Variants in CREBBP observed in about 807,000 individuals in gnomAD.
CREBBP encodes the protein CREB-binding protein.
CREBBP carries 19 observed loss-of-function variants against 265.0 expected under a neutral mutation model. The observed-to-expected ratio is 0.07, with a 90% CI of 0.05 to 0.11. The LOEUF is 0.11. CREBBP is among the 10% of genes least tolerant of loss of function. The probability of loss-of-function intolerance (pLI) is 1.00; values close to 1 mark genes in which losing one functional copy is unlikely to be tolerated. For synonymous variants in CREBBP, 1,457 were observed against 1,223.7 expected (o/e 1.19, Z -3.98); for missense variants, 2,525 against 3,219.0 (o/e 0.78, Z 5.22).
At chr16:3,754,863 T>C (rs1333421847) in intron 19 of CREBBP, among the ~76,000 whole-genome samples, 1 of 152,186 alleles carries the variant, frequency 6.6e-6, no homozygotes, top group Non-Finnish European at 1.5e-5. Flanking sequence ...CCAAGACAAT[T>C]ATTCATAAGA....
rs374345970 is a variant in CREBBP at position 3,757,281 on chromosome 16, C to G, written c.3698+7G>C. The G allele has an allele frequency of 2.8e-5, 45 of 1,606,484 alleles. No homozygotes were observed. In the South Asian group the frequency reaches 4.6e-4, roughly 16 times the overall value. ...AGACATAATGCAGGATGCTGCTTGA[C>G]GCTTACCTATTCTGATAGCTGTAGT... is the stretch of plus-strand genomic sequence containing the variant. On this transcript the variant is annotated splice_region_variant and intron_variant, in intron 19 of 30. Coordinates refer to ENST00000262367, the MANE Select transcript of CREBBP (RefSeq NM_004380.3).
rs139688311 is a variant in CREBBP at position 3,728,362 on chromosome 16, C to T, written c.6685G>A (p.Gly2229Ser). ...GGTCCTTGAGGCTGCTGGAACTGGCCGTGCCCCGCCATGCCCCCAGCCATG... is the reference window on the plus strand; with the variant it reads ...GGTCCTTGAGGCTGCTGGAACTGGCTGTGCCCCGCCATGCCCCCAGCCATG... ...AGMAGGMAGHGQFQQPQGPGG... is the reference protein window; with the variant it reads ...AGMAGGMAGHSQFQQPQGPGG... Residue 2229 changes from glycine (G) to serine (S), a missense_variant, in exon 31 of 31, where the codon GGC becomes AGC. Gly to Ser is a moderately conservative substitution (Grantham distance 56, BLOSUM62 0). Around this residue, in one of 19 missense-constraint regions of CREBBP, gnomAD observed 473 missense variants for 459.3 expected, o/e 1.03. Transcript: ENST00000262367. The surrounding 1 kb of genome is among the most constrained non-coding windows in gnomAD (Gnocchi z 8.7). The T allele has an allele frequency of 1.5e-3, 2,445 of 1,607,362 alleles. 17 individuals are homozygous for T. The highest frequency in any genetic ancestry group is 0.014 in the African/African-American group (1,072 of 74,812).
intron 1 of CREBBP, among the ~76,000 whole-genome samples, chr16:3,852,764 C>T (rs1953696089): frequency 6.6e-6 from 1 of 152,090 alleles, no homozygotes; most frequent in Non-Finnish European, 1.5e-5. Flanking sequence ...ATCCGTCTTT[C>T]CTGATAAGGA....
In CREBBP at chr16:3,797,221, C is replaced by T. The variant is rs139048646; in HGVS notation, c.976-3595G>A. Among the ~76,000 whole-genome samples the T allele has an allele frequency of 8.0e-3, 1,214 of 152,194 alleles. 15 individuals are homozygous for T. The highest frequency in any genetic ancestry group is 0.017 in the Middle Eastern group (5 of 294). ...TGGAAGCTGCCCCAAAAGTAATCTA[C>T]GTTTTGTGTGATTTTGTTTTTCTAA... On this transcript the variant is annotated intron_variant, in intron 3 of 30. Coordinates refer to ENST00000262367, the MANE Select transcript of CREBBP (RefSeq NM_004380.3).
At chr16:3,857,504 G>A (rs567442640) in intron 1 of CREBBP, among the ~76,000 whole-genome samples, 2 of 152,302 alleles carry the variant, frequency 1.3e-5, no homozygotes, top group East Asian at 1.9e-4. Flanking sequence ...GGCAGGCCAG[G>A]ATATTGCAAC....
intron 2 of CREBBP, 25 bp from the exon 3 acceptor site, chr16:3,810,804 A>C (rs1245186282): frequency 6.2e-7 from 1 of 1,612,610 alleles, no homozygotes. Context: ...AGGTAACATC[A>C]GCTGTGGTGA....
chr16:3,791,524 C>T (rs967890330), intron 5 of CREBBP, among the ~76,000 whole-genome samples: 1 of 152,196 alleles, frequency 6.6e-6, no homozygotes, highest in African/African-American at 2.4e-5. Flanking sequence ...CCCAGACTGA[C>T]TGACAGAGCC....
chr16:3,762,568 G>A (rs753272849), intron 16 of CREBBP, among the ~76,000 whole-genome samples: 7 of 151,908 alleles, frequency 4.6e-5, no homozygotes, highest in Non-Finnish European at 7.4e-5. Context: ...GAGTGTATGT[G>A]AACTGCGCCG....
chr16:3,782,651 A>T, intron 6 of CREBBP, 33 bp downstream of exon 6: 1 of 1,612,942 alleles, frequency 6.2e-7, no homozygotes, highest in Non-Finnish European at 8.5e-7. Context: ...CATGTGGACA[A>T]GTAAGAACGA....
chr16:3,757,670 T>TCC, intron 18 of CREBBP, 139 bp downstream of exon 18: 3 of 1,276,664 alleles, frequency 2.3e-6, no homozygotes, highest in Non-Finnish European at 3.3e-6. Flanking sequence ...TCACATCGCT[T>TCC]CAGGCATCAA....
At chr16:3,805,832 T>G (rs1162971859) in intron 3 of CREBBP, among the ~76,000 whole-genome samples, 1 of 152,164 alleles carries the variant, frequency 6.6e-6, no homozygotes, top group African/African-American at 2.4e-5. Flanking sequence ...TCAGAATCAC[T>G]AGACCAGCTC....
At chr16:3,874,555 G>T (rs964479260) in intron 1 of CREBBP, among the ~76,000 whole-genome samples, 5 of 152,216 alleles carry the variant, frequency 3.3e-5, no homozygotes, top group African/African-American at 1.2e-4. Flanking sequence ...TTGAGTAGTT[G>T]CAACAAGAGA....
chr16:3,850,734 T>A lies in CREBBP; in HGVS notation c.361A>T (p.Ser121Cys), dbSNP rs1179802260. Residue 121 changes from serine (S) to cysteine (C), a missense_variant, in exon 2 of 31, where the codon AGC (serine) becomes TGC (cysteine). Physicochemically the swap from Ser to Cys is moderately radical, Grantham distance 112. Coordinates refer to ENST00000262367, the MANE Select transcript of CREBBP (RefSeq NM_004380.3). ...GAAGAATCTCCCTGGCTCAGAGGGC[T>A]CTTGCCCATGGCACTGAGGCTGGCC... ...NMASLSAMGK[S>C]PLSQGDSSAP... is the part of the protein sequence containing the mutation. The A allele has an allele frequency of 6.2e-7, 1 of 1,613,986 alleles. No homozygotes were observed. The highest frequency in any genetic ancestry group is 1.1e-5 in the South Asian group (1 of 91,094).
At chr16:3,768,012 C>A (rs957101419) in intron 15 of CREBBP, 103 bp from the exon 16 acceptor site, 1 of 1,057,216 alleles carries the variant, frequency 9.5e-7, no homozygotes, top group Admixed American at 1.8e-5. Flanking sequence ...TTGTTAAAAC[C>A]TTCCTCTAGT....
Position 3,850,436 on chromosome 16 carries a change from C to T in CREBBP, c.659G>A (p.Arg220Lys). The change falls in exon 2 of 31, where the codon AGG becomes AAG. Residue 220 changes from arginine (R) to lysine (K), a missense_variant. Coordinates refer to ENST00000262367, the MANE Select transcript of CREBBP (RefSeq NM_004380.3). ...NGSLGAAGRG[R>K]GAGMPYPTPA... ...AGTAGGGTACGGCATTCCAGCTCCC[C>T]TTCCTCTGCCAGCAGCCCCAAGAGA... The T allele has an allele frequency of 6.2e-7, 1 of 1,614,240 alleles. No individual in the cohort carries two copies. The highest frequency in any genetic ancestry group is 8.5e-7 in the Non-Finnish European group (1 of 1,180,044).
intron 2 of CREBBP, among the ~76,000 whole-genome samples, chr16:3,836,821 CAGA>C (rs767954043): frequency 6.6e-6 from 1 of 152,134 alleles, no homozygotes; most frequent in Non-Finnish European, 1.5e-5. Context: ...ACAGTGGTCC[CAGA>C]AGATTACCAT....
chr16:3,833,423 AAAAC>A (rs1266696293), intron 2 of CREBBP, among the ~76,000 whole-genome samples: 3 of 151,492 alleles, frequency 2.0e-5, no homozygotes, highest in Admixed American at 6.6e-5. Flanking sequence ...AAAGAAACCC[AAAAC>A]AAACAAACAA....
chr16:3,728,499 G>C lies in CREBBP; in HGVS notation c.6548C>G (p.Ala2183Gly), dbSNP rs779996604. ...TTCTCGGTACTGTGGATTCATACTC[G>C]CCATGTTGGGGTTGTGTCCTGGGTT... Reference protein sequence around the residue: ...IMNPGHNPNMASMNPQYREML... With the variant: ...IMNPGHNPNMGSMNPQYREML... The change falls in exon 31 of 31, where the codon GCG becomes GGG. Residue 2183 changes from alanine (A) to glycine (G), a missense_variant. By Grantham distance (60) the Ala-to-Gly change is moderately conservative. Transcript: ENST00000262367. This position sits in a 1 kb window ranked among gnomAD's most constrained non-coding sequence, Gnocchi z 8.7. The C allele has an allele frequency of 2.5e-6, 4 of 1,613,868 alleles. No individual in the cohort carries two copies. The East Asian group carries it at 8.9e-5, about 36-fold the overall frequency.
chr16:3,850,754 C>T lies in CREBBP; in HGVS notation c.341G>A (p.Ser114Asn). 1 of 1,614,078 alleles carries T rather than the reference C, an allele frequency of 6.2e-7. No individual in the cohort carries two copies. The highest frequency in any genetic ancestry group is 8.5e-7 in the Non-Finnish European group (1 of 1,180,050). ...QGQPNSANMASLSAMGKSPLS... is the reference protein window; with the variant it reads ...QGQPNSANMANLSAMGKSPLS... ...AGGGCTCTTGCCCATGGCACTGAGGCTGGCCATGTTAGCACTGTTCGGCTG... is the reference window on the plus strand; with the variant it reads ...AGGGCTCTTGCCCATGGCACTGAGGTTGGCCATGTTAGCACTGTTCGGCTG... Residue 114 changes from serine (S) to asparagine (N), a missense_variant, in exon 2 of 31, where the codon AGC (serine) becomes AAC (asparagine). This residue lies in a region of CREBBP where 356 missense variants were observed against 340.4 expected (regional missense o/e 1.05). Transcript: ENST00000262367.
Sources: gnomAD v4.1 joint callset for allele counts (sites outside exome capture counted in the v4.1 genomes callset) on GRCh38, gnomAD v4.1.1 for gene constraint, gnomAD v4.1.1 regional missense constraint, Gnocchi (gnomAD v3.1) non-coding constraint, MANE v1.5 for transcripts, NCBI Gene and HGNC (gene_info 2026-07-23, HGNC 2026-07-21) for gene names.